Variants in CNBD1 observed in about 807,000 individuals in gnomAD.
CNBD1 encodes cyclic nucleotide binding domain containing 1, also known as cyclic nucleotide-binding domain-containing protein 1.
CNBD1 carries 71 observed loss-of-function variants against 54.4 expected under a neutral mutation model. The ratio of observed to expected loss-of-function variants is 1.30; its 90% CI spans 1.08 to 1.59. The LOEUF (loss-of-function observed/expected upper bound fraction) is 1.59. Ranked by LOEUF, CNBD1 falls within the 40% of genes most tolerant of loss-of-function variation. The pLI, the probability that CNBD1 is intolerant of heterozygous loss-of-function variation, is 0.00. For missense variants in CNBD1, 659 were observed against 518.0 expected (o/e 1.27, Z -2.64); for synonymous variants, 182 against 170.7 (o/e 1.07, Z -0.51).
chr8:87,111,899 A>G (rs1482127907), intron 4 of CNBD1, among the ~76,000 whole-genome samples: 5 of 151,990 alleles, frequency 3.3e-5, no homozygotes, highest in Non-Finnish European at 7.4e-5. Context: ...TGGGGAAGCC[A>G]TTATCTCCAT....
At chr8:87,043,598 T>A (rs2336871) in intron 4 of CNBD1, among the ~76,000 whole-genome samples, 131,766 of 152,158 alleles carry the variant, frequency 0.87, 57,538 homozygotes, top group African/African-American at 0.97. Flanking sequence ...TTCCCTCAGC[T>A]GCGTGGGAAA....
At chr8:86,903,306 G>T (rs1337437687) in intron 2 of CNBD1, among the ~76,000 whole-genome samples, 2 of 152,068 alleles carry the variant, frequency 1.3e-5, no homozygotes, top group African/African-American at 2.4e-5. Flanking sequence ...AATGACTTGG[G>T]TAAAAGTCTT....
chr8:87,265,318 T>G (rs142242032), intron 6 of CNBD1, among the ~76,000 whole-genome samples: 2 of 151,862 alleles, frequency 1.3e-5, no homozygotes, highest in Admixed American at 1.3e-4. Context: ...TGTAGATATG[T>G]GGCGTTATTT....
intron 8 of CNBD1, among the ~76,000 whole-genome samples, chr8:87,302,946 T>C (rs926626339): frequency 6.6e-6 from 1 of 151,608 alleles, no homozygotes; most frequent in African/African-American, 2.4e-5. Flanking sequence ...GAAGGACCTC[T>C]TCAAGGAGAA....
intron 4 of CNBD1, among the ~76,000 whole-genome samples, chr8:86,991,602 T>C (rs1808749789): frequency 6.6e-6 from 1 of 152,162 alleles, no homozygotes; most frequent in Non-Finnish European, 1.5e-5. Context: ...TCTAGGTGCA[T>C]TAAGTTAGAT....
chr8:86,978,106 G>T (rs534812563), intron 4 of CNBD1, among the ~76,000 whole-genome samples: 55 of 152,206 alleles, frequency 3.6e-4, no homozygotes, highest in African/African-American at 1.3e-3. Flanking sequence ...CAAAAGATTG[G>T]AATGTACTGT....
chr8:86,871,774 C>A (rs571898039), intron 1 of CNBD1, among the ~76,000 whole-genome samples: 1 of 152,224 alleles, frequency 6.6e-6, no homozygotes, highest in South Asian at 2.1e-4. Context: ...GGAAGAAGTC[C>A]CCAGATGCCT....
At chr8:87,403,941 T>G (rs1303169336) in intron 2 of CNBD1, among the ~76,000 whole-genome samples, 2 of 152,096 alleles carry the variant, frequency 1.3e-5, no homozygotes, top group African/African-American at 2.4e-5. Context: ...TAGTGCTATC[T>G]GAACAGTAAA....
intron 2 of CNBD1, among the ~76,000 whole-genome samples, chr8:87,403,899 C>T (rs1409768114): frequency 6.6e-6 from 1 of 151,986 alleles, no homozygotes; most frequent in Non-Finnish European, 1.5e-5. Flanking sequence ...CTATGAAAGC[C>T]ACTCTCCCCC....
intron 8 of CNBD1, among the ~76,000 whole-genome samples, chr8:87,324,035 G>A (rs1177599994): frequency 4.0e-4 from 50 of 125,234 alleles, no homozygotes; most frequent in African/African-American, 1.4e-3. Flanking sequence ...TTTGTCAAAG[G>A]CTTTTTCTGC....
intron 8 of CNBD1, among the ~76,000 whole-genome samples, chr8:87,289,497 G>A (rs11777178): frequency 0.28 from 42,796 of 151,816 alleles, 6,488 homozygotes; most frequent in African/African-American, 0.39. Flanking sequence ...GTGTATCATG[G>A]ATATAAGAAA....
chr8:87,255,932 C>CAT (rs1186132910), intron 6 of CNBD1, among the ~76,000 whole-genome samples: 13 of 113,170 alleles, frequency 1.1e-4, no homozygotes, highest in Admixed American at 2.1e-4. Context: ...TTGCAAGATT[C>CAT]ATATATATAT....
Position 87,134,370 on chromosome 8 carries a change from G to C in CNBD1, c.432-71623G>C, listed in dbSNP as rs776303200. 2.2e-4 allele frequency among the ~76,000 whole-genome samples: 33 copies of C among 151,972 alleles called. 1 individual carries two copies. Among genetic ancestry groups the C allele is most frequent in the Middle Eastern group, 6.8e-3 (2 of 294 alleles). ...CTTCCAGTTTCGTAAAATGTCGTTA[G>C]CAACAAAAAAGAGTATATAGTGTAC... On this transcript the variant is annotated intron_variant, in intron 4 of 10. Transcript: ENST00000518476.
chr8:87,055,615 C>G (rs1346431994), intron 4 of CNBD1, among the ~76,000 whole-genome samples: 1 of 152,150 alleles, frequency 6.6e-6, no homozygotes, highest in Non-Finnish European at 1.5e-5. Flanking sequence ...TCAGGCTGCT[C>G]TATTTTTGCC....
chr8:87,348,306 A>T (rs1301847712), intron 8 of CNBD1, among the ~76,000 whole-genome samples: 1 of 152,186 alleles, frequency 6.6e-6, no homozygotes, highest in Non-Finnish European at 1.5e-5. Flanking sequence ...ATAAAGAAGT[A>T]GTGTTTAATA....
intron 10 of CNBD1, among the ~76,000 whole-genome samples, chr8:87,373,787 G>A (rs78374051): frequency 0.019 from 2,872 of 151,784 alleles, 93 homozygotes; most frequent in African/African-American, 0.063. Flanking sequence ...TTTAGGATAA[G>A]TTTATATAAA....
chr8:87,412,505 G>A (rs538470703), intron 2 of CNBD1, among the ~76,000 whole-genome samples: 1 of 152,072 alleles, frequency 6.6e-6, no homozygotes, highest in East Asian at 1.9e-4. Flanking sequence ...TCACCCACAT[G>A]GTCCCTGTTC....
chr8:87,262,174 AC>A (rs1322679291), intron 6 of CNBD1, among the ~76,000 whole-genome samples: 6 of 152,108 alleles, frequency 3.9e-5, no homozygotes, highest in Non-Finnish European at 5.9e-5. Context: ...ACAAAACAAA[AC>A]AAAAAACACA....
At chr8:86,955,402 A>G (rs1000016547) in intron 4 of CNBD1, among the ~76,000 whole-genome samples, 1 of 152,166 alleles carries the variant, frequency 6.6e-6, no homozygotes, top group South Asian at 2.1e-4. Context: ...CCTGAGGAAT[A>G]GCCACACTGT....
Sources: allele counts gnomAD v4.1 joint callset (sites outside exome capture counted in the v4.1 genomes callset), GRCh38; gene constraint gnomAD v4.1.1; transcripts MANE v1.5; gene names NCBI Gene and HGNC (gene_info 2026-07-23, HGNC 2026-07-21).